CHAF1B: variants seen among roughly 807,000 people sequenced by gnomAD.
CHAF1B encodes CAF-1 subunit B.
CHAF1B carries 10 observed loss-of-function variants against 60.7 expected under a neutral mutation model. That is an observed-to-expected ratio of 0.16 (90% CI 0.10 to 0.28). The LOEUF is 0.28. CHAF1B is among the 10% of genes least tolerant of loss of function. The pLI is 1.00. For missense variants in CHAF1B, 558 were observed against 708.4 expected (o/e 0.79, Z 2.41); for synonymous variants, 261 against 266.1 (o/e 0.98, Z 0.19).
intron 6 of CHAF1B, among the ~76,000 whole-genome samples, chr21:36,398,577 C>T (rs1254704451): frequency 6.6e-6 from 1 of 152,198 alleles, no homozygotes; most frequent in African/African-American, 2.4e-5. Context: ...CGATGCTGGT[C>T]TCAAACTCCT....
At chr21:36,387,839 A>C in intron 3 of CHAF1B, 109 bp downstream of exon 3, 2 of 1,280,730 alleles carry the variant, frequency 1.6e-6, no homozygotes, top group Non-Finnish European at 2.2e-6. Flanking sequence ...TTTTTTTGAG[A>C]TAGAGTTTCA....
In CHAF1B at chr21:36,386,209, A is replaced by G. The variant is rs779803781; in HGVS notation, c.73A>G (p.Thr25Ala). The G allele has an allele frequency of 9.3e-6, 15 of 1,614,152 alleles. No homozygotes were observed. The highest frequency in any genetic ancestry group is 1.2e-5 in the Non-Finnish European group (14 of 1,179,996). ...GTACAGCCTGGACTTCCAGCATGGGACGGCTGGGAGGATCCACAGACTGGC... is the reference window on the plus strand; with the variant it reads ...GTACAGCCTGGACTTCCAGCATGGGGCGGCTGGGAGGATCCACAGACTGGC... ...PVYSLDFQHG[T>A]AGRIHRLASA... Residue 25 changes from threonine to alanine, a missense_variant, in exon 2 of 14, where the codon ACG (threonine) becomes GCG (alanine). Coordinates refer to ENST00000314103, the MANE Select transcript of CHAF1B (RefSeq NM_005441.3).
intron 7 of CHAF1B, among the ~76,000 whole-genome samples, chr21:36,401,746 T>C (rs1056887555): frequency 4.0e-5 from 6 of 150,026 alleles, no homozygotes; most frequent in Non-Finnish European, 8.8e-5. Context: ...AATTAAATGC[T>C]TGTTTGTTTG....
In CHAF1B at chr21:36,411,527, T is replaced by C; in HGVS notation, c.984T>C (p.Leu328=). 3.7e-6 allele frequency: 6 copies of C among 1,614,168 alleles called. No homozygotes were observed. The highest frequency in any genetic ancestry group is 5.1e-6 in the Non-Finnish European group (6 of 1,180,038). ...VFAVASEDSV[L]LYDTQQSFPF... ...CTGTGGCCTCGGAGGATTCCGTGCTTCTGTATGACACCCAGCAGTCCTTCC... is the reference window on the plus strand; with the variant it reads ...CTGTGGCCTCGGAGGATTCCGTGCTCCTGTATGACACCCAGCAGTCCTTCC... Residue 328 remains leucine, a synonymous_variant, in exon 11 of 14, where the codon CTT becomes CTC. Coordinates refer to ENST00000314103, the MANE Select transcript of CHAF1B (RefSeq NM_005441.3).
intron 11 of CHAF1B, 96 bp downstream of exon 11, chr21:36,411,700 G>C: frequency 7.3e-7 from 1 of 1,371,820 alleles, no homozygotes; most frequent in Non-Finnish European, 1.0e-6. Context: ...TACTAAAGAT[G>C]GCTTTGGGGG....
At chr21:36,413,514 C>T (rs780185922) in intron 12 of CHAF1B, among the ~76,000 whole-genome samples, 199 bp downstream of exon 12, 7 of 152,222 alleles carry the variant, frequency 4.6e-5, no homozygotes, top group African/African-American at 9.6e-5. Flanking sequence ...TTCTGCCTGT[C>T]AGATAAAGCC....
At chr21:36,408,500 C>T (rs1456341517) in intron 8 of CHAF1B, among the ~76,000 whole-genome samples, 1 of 152,214 alleles carries the variant, frequency 6.6e-6, no homozygotes, top group Non-Finnish European at 1.5e-5. Flanking sequence ...CTATGTTCTC[C>T]TCGCCCAAGA....
At chr21:36,395,018 A>C (rs2086125849) in intron 5 of CHAF1B, among the ~76,000 whole-genome samples, 1 of 152,006 alleles carries the variant, frequency 6.6e-6, no homozygotes, top group African/African-American at 2.4e-5. Flanking sequence ...GGCATGAACC[A>C]CTGCCCCTGG....
chr21:36,395,791 C>T (rs2086132800), intron 5 of CHAF1B, among the ~76,000 whole-genome samples: 1 of 152,144 alleles, frequency 6.6e-6, no homozygotes, highest in Non-Finnish European at 1.5e-5. Context: ...ATTTTTATCC[C>T]CTGCCATCCT....
intron 5 of CHAF1B, among the ~76,000 whole-genome samples, chr21:36,395,620 C>T (rs1405826925): frequency 6.6e-6 from 1 of 152,102 alleles, no homozygotes; most frequent in Non-Finnish European, 1.5e-5. Context: ...GCATTGCATG[C>T]TAGTTGATGG....
In CHAF1B at chr21:36,418,575, G is replaced by A. The variant is rs1160134128; in HGVS notation, c.*2209G>A. 6.6e-6 allele frequency: 1 copy of A among 152,240 alleles called. No individual in the cohort carries two copies. The highest frequency in any genetic ancestry group is 2.4e-5 in the African/African-American group (1 of 41,412). The allele number at this position is 152,240 out of a possible 1,614,324, so 9.4% of individuals were successfully genotyped here. ...GGAACAGTATTAGGTTTTTCTGGGT[G>A]TGGTGGCTCACACCTGTAATCCCAG... On this transcript the variant is annotated 3_prime_UTR_variant, in exon 14 of 14. Transcript: ENST00000314103.
At chr21:36,407,579 A>G (rs2086247975) in intron 8 of CHAF1B, among the ~76,000 whole-genome samples, 1 of 152,220 alleles carries the variant, frequency 6.6e-6, no homozygotes, top group Non-Finnish European at 1.5e-5. Flanking sequence ...TGATTGAGTT[A>G]TAACTGATTG....
rs775439270 is a variant in CHAF1B at position 36,391,603 on chromosome 21, C to T, written c.312C>T (p.Ile104=). 1.9e-5 allele frequency: 30 copies of T among 1,613,582 alleles called. No individual in the cohort carries two copies. The highest frequency in any genetic ancestry group is 5.5e-5 in the South Asian group (5 of 91,064). ...KVNDNKEPEQ[I]AFQDEDEAQL... The stretch of plus-strand genomic sequence containing the variant: ...ATGATAACAAGGAGCCGGAGCAGAT[C>T]GCTTTTCAGGATGAGGACGAGGCCC... Residue 104 remains isoleucine, a synonymous_variant, in exon 4 of 14, where the codon ATC becomes ATT. Transcript: ENST00000314103.
chr21:36,412,577 G>A (rs1457408307), intron 11 of CHAF1B, among the ~76,000 whole-genome samples: 2 of 152,066 alleles, frequency 1.3e-5, no homozygotes, highest in African/African-American at 2.4e-5. Context: ...GGCCAGGCTG[G>A]TCTTGAACTC....
intron 7 of CHAF1B, among the ~76,000 whole-genome samples, chr21:36,401,564 A>G (rs528090128): frequency 9.1e-6 from 1 of 109,344 alleles, no homozygotes; most frequent in East Asian, 2.3e-4. Flanking sequence ...TATATTATAC[A>G]TAATATATAT....
chr21:36,406,434 G>A (rs971196487), intron 8 of CHAF1B, among the ~76,000 whole-genome samples: 3 of 151,678 alleles, frequency 2.0e-5, no homozygotes, highest in South Asian at 2.1e-4. Flanking sequence ...TACAGGCGCC[G>A]GCCACCATGC....
At chr21:36,408,895 C>G in intron 9 of CHAF1B, 65 bp downstream of exon 9, 1 of 1,213,000 alleles carries the variant, frequency 8.2e-7, no homozygotes, top group Non-Finnish European at 1.2e-6. Flanking sequence ...GCTCTTGTTG[C>G]CCAGGCTGGA....
chr21:36,386,377 C>CT, intron 2 of CHAF1B, 115 bp downstream of exon 2: 1 of 1,296,920 alleles, frequency 7.7e-7, no homozygotes, highest in South Asian at 1.4e-5. Context: ...AATCCCAGTG[C>CT]TTTGGGAGGC....
chr21:36,387,537 T>C (rs2086044616), intron 2 of CHAF1B, 61 bp from the exon 3 acceptor site: 1 of 1,599,290 alleles, frequency 6.3e-7, no homozygotes, highest in Non-Finnish European at 8.6e-7. Context: ...ATTGTTTTAA[T>C]ACAGACAGTA....
Sources: allele counts gnomAD v4.1 joint callset (sites outside exome capture counted in the v4.1 genomes callset), GRCh38; gene constraint gnomAD v4.1.1; transcripts MANE v1.5; gene names NCBI Gene and HGNC (gene_info 2026-07-23, HGNC 2026-07-21).